Variants in ACVR1 observed in about 807,000 individuals in gnomAD.
ACVR1 encodes the protein activin A receptor type 1.
A neutral mutation model predicts 57.1 loss-of-function variants in ACVR1; 38 were observed. The ratio of observed to expected loss-of-function variants is 0.67; its 90% CI spans 0.51 to 0.87. The LOEUF is 0.87. ACVR1 is among the 40% of genes least tolerant of loss of function. The pLI is 0.00. For synonymous variants in ACVR1, 212 were observed against 228.1 expected (o/e 0.93, Z 0.63); for missense variants, 463 against 638.2 (o/e 0.73, Z 2.96).
intron 1 of ACVR1, among the ~76,000 whole-genome samples, chr2:157,858,397 C>G (rs942984179): frequency 3.3e-5 from 5 of 152,154 alleles, no homozygotes; most frequent in Non-Finnish European, 7.4e-5. Flanking sequence ...GCCTCCTGTA[C>G]CAGGAAGCAG....
chr2:157,803,979 T>C (rs1687425064), intron 2 of ACVR1, among the ~76,000 whole-genome samples: 1 of 152,218 alleles, frequency 6.6e-6, no homozygotes, highest in South Asian at 2.1e-4. Flanking sequence ...TGGCATTGTT[T>C]TCCTGCTTTT....
At chr2:157,775,516 C>T (rs188042801) in intron 5 of ACVR1, among the ~76,000 whole-genome samples, 35 of 152,302 alleles carry the variant, frequency 2.3e-4, no homozygotes, top group African/African-American at 7.7e-4. Flanking sequence ...ATTTCATCTT[C>T]TTTCACTTCT....
chr2:157,845,576 A>G lies in ACVR1; in HGVS notation c.-182-27017T>C, dbSNP rs1484916632. On this transcript the variant is annotated intron_variant, in intron 1 of 10. Transcript: ENST00000434821. ...TCAGGCCTCCACAACTTTGGCAGTT[A>G]CATTGCTGTTGTTTGTGGTAATTTC... 6.6e-5 allele frequency among the ~76,000 whole-genome samples: 10 copies of G among 151,016 alleles called. 1 individual carries two copies. Among genetic ancestry groups the G allele is most frequent in the Admixed American group, 2.0e-4 (3 of 15,104 alleles).
At chr2:157,753,732 T>G (rs947846818) in intron 9 of ACVR1, among the ~76,000 whole-genome samples, 1 of 152,096 alleles carries the variant, frequency 6.6e-6, no homozygotes, top group Non-Finnish European at 1.5e-5. Flanking sequence ...AAACAATGGA[T>G]TTAAACTATA....
intron 8 of ACVR1, among the ~76,000 whole-genome samples, chr2:157,764,269 G>A (rs1287890281): frequency 2.0e-5 from 3 of 151,784 alleles, no homozygotes; most frequent in African/African-American, 7.3e-5. Flanking sequence ...TGCAACCTCC[G>A]CCTCCTGGGT....
rs180701780 is a variant in ACVR1 at position 157,801,514 on chromosome 2, G to T, written c.-7-2014C>A. Among the ~76,000 whole-genome samples the T allele has an allele frequency of 2.6e-5, 4 of 152,248 alleles. No individual in the cohort carries two copies. The East Asian group carries it at 7.7e-4, about 29-fold the overall frequency. ...TTAACCACTTTACTAGAGAAAAGTA[G>T]TAATATTCAGTTCAATCTGACATGA... On this transcript the variant is annotated intron_variant, in intron 2 of 10. Transcript: ENST00000434821.
chr2:157,778,374 G>T (rs1457792601), intron 4 of ACVR1, 32 bp from the exon 5 acceptor site: 4 of 1,560,454 alleles, frequency 2.6e-6, no homozygotes, highest in Non-Finnish European at 3.5e-6. Flanking sequence ...GGAATTAGTT[G>T]TAAGGATCAC....
chr2:157,819,444 C>G (rs376557045), intron 1 of ACVR1: 1 of 149,754 alleles, frequency 6.7e-6, no homozygotes. Context: ...CACGGTGAGC[C>G]GAGATCACGC....
chr2:157,788,787 C>T (rs552339860), intron 3 of ACVR1, among the ~76,000 whole-genome samples: 8 of 152,030 alleles, frequency 5.3e-5, no homozygotes, highest in South Asian at 4.2e-4. Context: ...GAAGCCAAAG[C>T]GATTTTAAAA....
chr2:157,810,925 T>A (rs1687730967), intron 2 of ACVR1, among the ~76,000 whole-genome samples: 1 of 152,180 alleles, frequency 6.6e-6, no homozygotes, highest in Admixed American at 6.5e-5. Flanking sequence ...TCTTACCTTA[T>A]CCTTCAGGTT....
intron 5 of ACVR1, 134 bp downstream of exon 5, chr2:157,777,997 G>A: frequency 1.1e-6 from 1 of 927,014 alleles, no homozygotes; most frequent in Non-Finnish European, 1.7e-6. Context: ...TGCTTGTTTA[G>A]GACATAAGTA....
At chr2:157,790,185 T>C (rs1370293251) in intron 3 of ACVR1, 1 of 152,310 alleles carries the variant, frequency 6.6e-6, no homozygotes, top group Non-Finnish European at 1.5e-5. Flanking sequence ...CAGGGGCTGG[T>C]GTACAAGGGA....
intron 1 of ACVR1, among the ~76,000 whole-genome samples, chr2:157,857,461 G>T (rs928748952): frequency 6.6e-6 from 1 of 151,448 alleles, no homozygotes; most frequent in African/African-American, 2.4e-5. Context: ...AAGAAATACT[G>T]TACCAGAGAG....
At chr2:157,755,523 AATACC>A (rs71402402) in intron 9 of ACVR1, among the ~76,000 whole-genome samples, 9,849 of 149,832 alleles carry the variant, frequency 0.066, 917 homozygotes, top group African/African-American at 0.21. Context: ...AGCTGCAAAT[AATACC>A]ATACCATACC....
At chr2:157,777,085 A>T (rs192695703) in intron 5 of ACVR1, among the ~76,000 whole-genome samples, 2 of 152,300 alleles carry the variant, frequency 1.3e-5, no homozygotes, top group East Asian at 3.9e-4. Flanking sequence ...TTTCTTTTGC[A>T]CTTTATGATA....
intron 9 of ACVR1, among the ~76,000 whole-genome samples, chr2:157,746,476 T>C (rs1417911125): frequency 2.0e-5 from 3 of 152,196 alleles, no homozygotes; most frequent in African/African-American, 4.8e-5. Context: ...CACAGACTTC[T>C]GTATGCAGTG....
intron 9 of ACVR1, among the ~76,000 whole-genome samples, chr2:157,757,113 A>T (rs929758432): frequency 1.3e-5 from 2 of 149,676 alleles, no homozygotes; most frequent in Admixed American, 1.3e-4. Context: ...ATGGAAATTT[A>T]AAAATGCAAT....
Position 157,780,384 on chromosome 2 carries a change from T to C in ACVR1, c.284A>G (p.Gln95Arg), listed in dbSNP as rs1367397338. ...PSPGQAVECC[Q>R]GDWCNRNITA... ...GATGTTCCTGTTACACCAGTCCCCT[T>C]GGCAGCACTCCACGGCTTGGCCAGG... The change falls in exon 4 of 11, where the codon CAA becomes CGA. Residue 95 changes from glutamine to arginine, a missense_variant. Coordinates refer to ENST00000434821, the MANE Select transcript of ACVR1 (RefSeq NM_001111067.4). The C allele has an allele frequency of 9.3e-6, 15 of 1,614,062 alleles. No homozygotes were observed. Among genetic ancestry groups the C allele is most frequent in the African/African-American group, 2.7e-5 (2 of 74,922 alleles).
intron 1 of ACVR1, among the ~76,000 whole-genome samples, chr2:157,826,041 G>A (rs1023908805): frequency 6.6e-6 from 1 of 152,194 alleles, no homozygotes; most frequent in African/African-American, 2.4e-5. Context: ...TGGCAGGAAT[G>A]TGGTAATCCT....
Sources: gnomAD v4.1 joint callset for allele counts (sites outside exome capture counted in the v4.1 genomes callset) on GRCh38, gnomAD v4.1.1 for gene constraint, MANE v1.5 for transcripts, NCBI Gene and HGNC (gene_info 2026-07-23, HGNC 2026-07-21) for gene names.